SPTLC3: variants seen among roughly 807,000 people sequenced by gnomAD.
The protein encoded by SPTLC3 is serine palmitoyltransferase 3.
Under a neutral mutation model 59.3 loss-of-function variants are expected in SPTLC3, and 36 were observed. The observed-to-expected ratio is 0.61, with a 90% CI of 0.47 to 0.80. SPTLC3 has a LOEUF of 0.80. SPTLC3 is among the 30% of genes least tolerant of loss of function. SPTLC3 has a pLI of 0.00. For synonymous variants in SPTLC3, 257 were observed against 240.8 expected, an observed-to-expected ratio of 1.07 and a Z score of -0.62; for missense variants, 625 against 685.1, an observed-to-expected ratio of 0.91 and a Z score of 0.98.
At chr20:13,062,871 C>A (rs965701655) in intron 2 of SPTLC3, among the ~76,000 whole-genome samples, 1 of 152,140 alleles carries the variant, frequency 6.6e-6, no homozygotes, top group Non-Finnish European at 1.5e-5. Context: ...CCATAATATA[C>A]TTATTCCCAT....
chr20:13,128,148 C>T (rs1438368263), intron 9 of SPTLC3, among the ~76,000 whole-genome samples: 2 of 152,198 alleles, frequency 1.3e-5, no homozygotes, highest in African/African-American at 2.4e-5. Context: ...TGTCTGGAGA[C>T]AAGTATCAGT....
At chr20:13,066,834 A>T (rs1988231360) in intron 2 of SPTLC3, among the ~76,000 whole-genome samples, 2 of 149,972 alleles carry the variant, frequency 1.3e-5, no homozygotes, top group South Asian at 2.1e-4. Flanking sequence ...TATTAGAGAG[A>T]TGTTTGTTCT....
intron 3 of SPTLC3, among the ~76,000 whole-genome samples, chr20:13,073,229 G>A (rs899586290): frequency 6.6e-6 from 1 of 151,928 alleles, no homozygotes; most frequent in African/African-American, 2.4e-5. Flanking sequence ...TCTAGCCTCT[G>A]GTAACAACCA....
intron 11 of SPTLC3, among the ~76,000 whole-genome samples, chr20:13,161,773 TAA>T (rs1320084824): frequency 6.6e-6 from 1 of 152,018 alleles, no homozygotes; most frequent in East Asian, 1.9e-4. Context: ...AATAAAAAAA[TAA>T]AAGAGTAAAG....
intron 11 of SPTLC3, among the ~76,000 whole-genome samples, chr20:13,162,521 G>T (rs2123006565): frequency 6.6e-6 from 1 of 152,188 alleles, no homozygotes; most frequent in Non-Finnish European, 1.5e-5. Flanking sequence ...TGACCCTGAT[G>T]AACAGCCAGT....
At chr20:13,068,098 T>C (rs913657600) in intron 2 of SPTLC3, among the ~76,000 whole-genome samples, 2 of 152,230 alleles carry the variant, frequency 1.3e-5, no homozygotes, top group African/African-American at 4.8e-5. Context: ...CATCAACTTA[T>C]CTATAAAAGT....
intron 1 of SPTLC3, among the ~76,000 whole-genome samples, chr20:13,028,351 C>T (rs1986261078): frequency 6.6e-6 from 1 of 152,106 alleles, no homozygotes; most frequent in South Asian, 2.1e-4. Flanking sequence ...TGGAATCAGA[C>T]TTCAGAATTT....
chr20:13,066,071 A>T, intron 2 of SPTLC3, among the ~76,000 whole-genome samples: 1 of 152,146 alleles, frequency 6.6e-6, no homozygotes, highest in Non-Finnish European at 1.5e-5. Context: ...CCCTATTTTC[A>T]CCATGCCCCC....
At chr20:13,162,129 T>C (rs2038906623) in intron 11 of SPTLC3, among the ~76,000 whole-genome samples, 2 of 152,150 alleles carry the variant, frequency 1.3e-5, no homozygotes, top group Admixed American at 6.5e-5. Flanking sequence ...AGTCTGACTG[T>C]AGAAAGAAAA....
At chr20:13,045,373 G>A (rs1013185071) in intron 1 of SPTLC3, among the ~76,000 whole-genome samples, 3 of 152,184 alleles carry the variant, frequency 2.0e-5, no homozygotes. Context: ...AATAACAAGT[G>A]CTTAATAAAT....
intron 9 of SPTLC3, among the ~76,000 whole-genome samples, chr20:13,131,178 C>T (rs953788773): frequency 7.2e-5 from 11 of 152,152 alleles, no homozygotes; most frequent in Admixed American, 2.0e-4. Context: ...TTTAAATCTT[C>T]GATGTATATT....
At chr20:13,122,311 A>C (rs578151924) in intron 8 of SPTLC3, among the ~76,000 whole-genome samples, 2 of 152,356 alleles carry the variant, frequency 1.3e-5, no homozygotes, top group African/African-American at 2.4e-5. Context: ...TCAATCTGTG[A>C]TTTAGTACCA....
intron 2 of SPTLC3, among the ~76,000 whole-genome samples, chr20:13,056,296 T>C (rs1043507475): frequency 6.6e-6 from 1 of 152,234 alleles, no homozygotes; most frequent in African/African-American, 2.4e-5. Flanking sequence ...TAGATAAATG[T>C]GCCTTTCACA....
At chr20:13,119,398 G>A (rs1194526620) in intron 8 of SPTLC3, among the ~76,000 whole-genome samples, 1 of 152,158 alleles carries the variant, frequency 6.6e-6, no homozygotes. Flanking sequence ...TCTCTCTCAT[G>A]CTCTCCATTC....
intron 1 of SPTLC3, among the ~76,000 whole-genome samples, chr20:13,022,675 GGGA>G (rs553469595): frequency 5.7e-4 from 87 of 152,234 alleles, no homozygotes; most frequent in African/African-American, 1.9e-3. Flanking sequence ...CAGGTTCAAG[GGGA>G]GGAGATTAGC....
At chr20:13,027,979 A>G (rs1986242741) in intron 1 of SPTLC3, among the ~76,000 whole-genome samples, 1 of 152,198 alleles carries the variant, frequency 6.6e-6, no homozygotes, top group African/African-American at 2.4e-5. Context: ...CTCTATTCTT[A>G]AAATCTTGAC....
Position 13,011,532 on chromosome 20 carries a change from A to G in SPTLC3, c.117+2148A>G, listed in dbSNP as rs565950133. Among the ~76,000 whole-genome samples, 24 of 152,278 alleles carry G rather than the reference A, an allele frequency of 1.6e-4. No individual in the cohort carries two copies. The South Asian group carries it at 5.0e-3, about 32-fold the overall frequency. ...TTCTGTTGACAAAGGGTTCCCTGGC[A>G]TAACAAACATATGAAAATTACTATT... On this transcript the variant is annotated intron_variant, in intron 1 of 11. Transcript: ENST00000399002.
chr20:13,081,095 G>C (rs989285663), intron 4 of SPTLC3, among the ~76,000 whole-genome samples: 2 of 152,086 alleles, frequency 1.3e-5, no homozygotes, highest in Non-Finnish European at 1.5e-5. Flanking sequence ...AGTTTATTTG[G>C]GCCGAAGTTG....
At chr20:13,111,196 T>G (rs1487793835) in intron 7 of SPTLC3, among the ~76,000 whole-genome samples, 1 of 152,206 alleles carries the variant, frequency 6.6e-6, no homozygotes, top group Non-Finnish European at 1.5e-5. Context: ...TTCCCAGTCC[T>G]ACTGTGGGAA....
Sources: allele counts gnomAD v4.1 joint callset (sites outside exome capture counted in the v4.1 genomes callset), GRCh38; gene constraint gnomAD v4.1.1; transcripts MANE v1.5; gene names NCBI Gene and HGNC (gene_info 2026-07-23, HGNC 2026-07-21).